HYKK: variants seen among roughly 807,000 people sequenced by gnomAD.
HYKK encodes hydroxylysine kinase.
A neutral mutation model predicts 29.7 loss-of-function variants in HYKK; 19 were observed. That is an observed-to-expected ratio of 0.64 (90% CI 0.45 to 0.94). The LOEUF is 0.94. Ranked by LOEUF, HYKK falls within the 40% of genes least tolerant of loss-of-function variation. The pLI is 0.00. For missense variants in HYKK, 390 were observed against 443.4 expected (o/e 0.88, Z 1.08); for synonymous variants, 152 against 158.1 (o/e 0.96, Z 0.29).
intron 4 of HYKK, 21 bp downstream of exon 4, chr15:78,527,584 G>A: frequency 6.2e-7 from 1 of 1,610,022 alleles, no homozygotes; most frequent in Non-Finnish European, 8.5e-7. Context: ...TCCCAATTAA[G>A]TATTTTTCTT....
rs34543309 is a variant in HYKK, at chr15:78,534,245, C to CTTTTTTTTT, written c.*589_*597dup. On this transcript the variant is annotated 3_prime_UTR_variant, in exon 5 of 5. Coordinates refer to ENST00000388988, the MANE Select transcript of HYKK (RefSeq NM_001013619.4). The stretch of plus-strand genomic sequence containing the variant: ...ACTTATTTTTGTCTCCTCAGCCCTT[C>CTTTTTTTTT]TTTTTTTTTTTTTTTTTTTTTTGAG... 9.5e-6 allele frequency: 1 copy of CTTTTTTTTT among 105,592 alleles called. No homozygotes were observed. The highest frequency in any genetic ancestry group is 1.1e-4 in the Admixed American group (1 of 9,088). 6.5% of individuals were successfully genotyped at this position (105,592 alleles called of 1,614,324 possible). A position where few individuals can be genotyped will look rare whatever the true frequency, so the allele number is the denominator to read the frequency against.
At chr15:78,524,121 C>T (rs1327226251) in intron 3 of HYKK, among the ~76,000 whole-genome samples, 1 of 152,270 alleles carries the variant, frequency 6.6e-6, no homozygotes, top group Non-Finnish European at 1.5e-5. Context: ...TCCAAGCCCA[C>T]ATTTCTCCTC....
chr15:78,518,996 A>C (rs941979328), intron 3 of HYKK, among the ~76,000 whole-genome samples: 4 of 152,076 alleles, frequency 2.6e-5, no homozygotes, highest in African/African-American at 9.7e-5. Context: ...AAATAGAAAT[A>C]TTGTAACCTT....
At chr15:78,528,901 G>T in intron 4 of HYKK, 2 of 949,656 alleles carry the variant, frequency 2.1e-6, no homozygotes, top group Non-Finnish European at 2.5e-6. Flanking sequence ...TAAACACAGT[G>T]TAAGGTGTAG....
chr15:78,518,221 T>A (rs1365066060), intron 3 of HYKK, among the ~76,000 whole-genome samples: 1 of 152,194 alleles, frequency 6.6e-6, no homozygotes, highest in Non-Finnish European at 1.5e-5. Context: ...AGGGTCTCAC[T>A]CTGTCACCCA....
intron 4 of HYKK, chr15:78,528,458 T>C: frequency 1.0e-6 from 1 of 985,426 alleles, no homozygotes; most frequent in South Asian, 4.7e-5. Context: ...TTCTCTAGGC[T>C]ATATTTCTAG....
intron 3 of HYKK, among the ~76,000 whole-genome samples, chr15:78,517,259 T>A (rs1243025197): frequency 6.6e-6 from 1 of 151,966 alleles, no homozygotes; most frequent in Non-Finnish European, 1.5e-5. Flanking sequence ...GTGTCTTTTG[T>A]ATGTGTGTGG....
chr15:78,529,123 T>C (rs567112766), intron 4 of HYKK, among the ~76,000 whole-genome samples: 22 of 152,226 alleles, frequency 1.4e-4, no homozygotes, highest in Non-Finnish European at 2.8e-4. Flanking sequence ...ATGATTGCAG[T>C]AGCCTTATAA....
intron 2 of HYKK, among the ~76,000 whole-genome samples, chr15:78,514,673 G>T (rs2052108813): frequency 6.6e-6 from 1 of 150,496 alleles, no homozygotes; most frequent in Non-Finnish European, 1.5e-5. Context: ...GGCCAGCAGA[G>T]TTAGGGCTAT....
intron 4 of HYKK, chr15:78,528,213 C>T (rs150143627): frequency 6.4e-6 from 1 of 156,552 alleles, no homozygotes; most frequent in Non-Finnish European, 1.4e-5. Flanking sequence ...AAATCAGCAG[C>T]AGCATTTGAT....
At chr15:78,525,812 T>TAAA (rs750923818) in intron 3 of HYKK, among the ~76,000 whole-genome samples, 6 of 152,366 alleles carry the variant, frequency 3.9e-5, no homozygotes, top group Middle Eastern at 3.4e-3. Context: ...ATATAATTTT[T>TAAA]AAAAACACCA....
At chr15:78,523,471 T>TA (rs2141360449) in intron 3 of HYKK, among the ~76,000 whole-genome samples, 1 of 152,264 alleles carries the variant, frequency 6.6e-6, no homozygotes, top group East Asian at 1.9e-4. Flanking sequence ...TACTGGGGAT[T>TA]ACAGTTTGGC....
chr15:78,524,551 G>A (rs1034647477), intron 3 of HYKK, among the ~76,000 whole-genome samples: 2 of 152,294 alleles, frequency 1.3e-5, no homozygotes, highest in South Asian at 2.1e-4. Context: ...GGCTATTAGC[G>A]CTTGGCTCCT....
At chr15:78,518,468 C>A (rs182345584) in intron 3 of HYKK, 1 of 393,146 alleles carries the variant, frequency 2.5e-6, no homozygotes, top group East Asian at 8.0e-5. Flanking sequence ...AGCCACCACA[C>A]CTGGGCCCCT....
chr15:78,518,578 T>C (rs1319921128), intron 3 of HYKK: 1 of 456,130 alleles, frequency 2.2e-6, no homozygotes, highest in East Asian at 7.0e-5. Flanking sequence ...GTTTTTGCTT[T>C]TTCTGGCAGG....
chr15:78,529,639 A>G (rs927441547), intron 4 of HYKK, among the ~76,000 whole-genome samples: 20 of 152,142 alleles, frequency 1.3e-4, no homozygotes, highest in Admixed American at 2.0e-4. Flanking sequence ...CTCTCTATTT[A>G]TTGGCCATTT....
In HYKK at chr15:78,513,267, C is replaced by A. The variant is rs2052093132; in HGVS notation, c.179C>A (p.Thr60Asn). 1 of 1,614,204 alleles carries A rather than the reference C, an allele frequency of 6.2e-7. No homozygotes were observed. The highest frequency in any genetic ancestry group is 8.5e-7 in the Non-Finnish European group (1 of 1,180,050). Residue 60 changes from threonine (T) to asparagine (N), a missense_variant, in exon 2 of 5, where the codon ACT (threonine) becomes AAT (asparagine). Coordinates refer to ENST00000388988, the MANE Select transcript of HYKK (RefSeq NM_001013619.4). ...VYVSKTKDGP[T>N]EYVLKISNTK... ...GTTTCAAAAACCAAAGATGGCCCAA[C>A]TGAATATGTCCTCAAAATAAGCAAC... is the stretch of plus-strand genomic sequence containing the variant.
intron 2 of HYKK, among the ~76,000 whole-genome samples, chr15:78,514,703 T>C (rs1328824439): frequency 6.6e-6 from 1 of 152,178 alleles, no homozygotes; most frequent in Non-Finnish European, 1.5e-5. Flanking sequence ...GGTATGTAAA[T>C]GGCCAGTTCC....
Position 78,513,374 on chromosome 15 carries a change from G to C in HYKK, c.286G>C (p.Ala96Pro), listed in dbSNP as rs1366278078. 2 of 1,614,012 alleles carry C rather than the reference G, an allele frequency of 1.2e-6. No individual in the cohort carries two copies. Among genetic ancestry groups the C allele is most frequent in the African/African-American group, 2.7e-5 (2 of 74,916 alleles). ...MFLKAAGFPT[A>P]SVCHTKGDNT... ...TCTGAAAGCCGCTGGATTTCCAACA[G>C]CCTCTGTGTGTCACACTAAAGGAGA... is the stretch of plus-strand genomic sequence containing the variant. The change falls in exon 2 of 5, where the codon GCC becomes CCC. Residue 96 changes from alanine to proline, a missense_variant. By Grantham distance (27) the Ala-to-Pro change is conservative. Transcript: ENST00000388988.
Sources: gnomAD v4.1 joint callset for allele counts (sites outside exome capture counted in the v4.1 genomes callset) on GRCh38, gnomAD v4.1.1 for gene constraint, MANE v1.5 for transcripts, NCBI Gene and HGNC (gene_info 2026-07-23, HGNC 2026-07-21) for gene names.